Variants in MANBAL observed in about 807,000 individuals in gnomAD.
The protein encoded by MANBAL is mannosidase beta like.
MANBAL carries 1 observed loss-of-function variant against 6.4 expected under a neutral mutation model. That is an observed-to-expected ratio of 0.16 (90% CI 0.06 to 0.74). The LOEUF is 0.74. Ranked by LOEUF, MANBAL falls within the 30% of genes least tolerant of loss-of-function variation. The pLI is 0.78. For missense variants in MANBAL, 100 were observed against 107.8 expected (o/e 0.93, Z 0.32); for synonymous variants, 47 against 45.8 (o/e 1.03, Z -0.10).
intron 1 of MANBAL, chr20:37,297,663 A>T (rs1341797116): frequency 1.3e-5 from 2 of 151,162 alleles, no homozygotes; most frequent in African/African-American, 5.0e-5. Context: ...TTTTTTTGAG[A>T]TGGAGTTTCA....
At chr20:37,310,617 G>T (rs982634724) in intron 2 of MANBAL, among the ~76,000 whole-genome samples, 5 of 152,210 alleles carry the variant, frequency 3.3e-5, no homozygotes, top group African/African-American at 1.2e-4. Context: ...ATGCTGGAAG[G>T]GATATGATGT....
intron 2 of MANBAL, among the ~76,000 whole-genome samples, chr20:37,314,609 G>A (rs1019618247): frequency 1.6e-4 from 25 of 152,210 alleles, no homozygotes; most frequent in African/African-American, 6.0e-4. Context: ...AGATCATTTT[G>A]ATTTTTGGTG....
intron 2 of MANBAL, among the ~76,000 whole-genome samples, chr20:37,306,140 G>A (rs773654262): frequency 1.3e-5 from 2 of 152,160 alleles, no homozygotes; most frequent in Non-Finnish European, 2.9e-5. Flanking sequence ...AAGTGAGGGT[G>A]GGAGGACCCA....
chr20:37,301,536 C>G, intron 2 of MANBAL, 123 bp downstream of exon 2: 1 of 1,087,768 alleles, frequency 9.2e-7, no homozygotes, highest in South Asian at 2.1e-5. Flanking sequence ...ATTTAGTGTG[C>G]CTCTGAATTT....
rs1397656920 is a variant in MANBAL, at chr20:37,306,251, G to T, written c.150+4838G>T. Among the ~76,000 whole-genome samples, 3 of 152,230 alleles carry T rather than the reference G, an allele frequency of 2.0e-5. No individual in the cohort carries two copies. In the East Asian group the frequency reaches 5.8e-4, roughly 29 times the overall value. ...TTATTAGTGGCTTTTTGGGTCAGAA[G>T]ATAATATTTTTGGCTCCAGATGATG... On this transcript the variant is annotated intron_variant, in intron 2 of 2. Coordinates refer to ENST00000373606, the MANE Select transcript of MANBAL (RefSeq NM_001003897.2).
At chr20:37,316,141 G>A (rs1435119805) in intron 2 of MANBAL, among the ~76,000 whole-genome samples, 167 bp from the exon 3 acceptor site, 1 of 152,184 alleles carries the variant, frequency 6.6e-6, no homozygotes, top group African/African-American at 2.4e-5. Flanking sequence ...TGAGAGCCAC[G>A]ATGCTCCGGG....
intron 1 of MANBAL, among the ~76,000 whole-genome samples, chr20:37,294,624 G>A (rs1357352649): frequency 6.6e-6 from 1 of 152,246 alleles, no homozygotes; most frequent in Non-Finnish European, 1.5e-5. Context: ...TCTGGCAGAT[G>A]TTTAAATGAC....
rs184725543 is a variant in MANBAL, at chr20:37,296,429, G to A, written c.-56-4779G>A. On this transcript the variant is annotated intron_variant, in intron 1 of 2. Transcript: ENST00000373606. ...AGCCCATGAAATCAGCTTATAGATG[G>A]TTCCAATCATAGTGTTTATACAATT... 1.5e-4 allele frequency among the ~76,000 whole-genome samples: 23 copies of A among 152,210 alleles called. 1 individual carries two copies. In the East Asian group the frequency reaches 3.9e-3, roughly 26 times the overall value.
chr20:37,312,233 T>C (rs1333159316), intron 2 of MANBAL, among the ~76,000 whole-genome samples: 1 of 152,158 alleles, frequency 6.6e-6, no homozygotes, highest in East Asian at 1.9e-4. Flanking sequence ...AAACCCACTT[T>C]TCTGATTGCT....
At chr20:37,296,595 C>T (rs1440695246) in intron 1 of MANBAL, among the ~76,000 whole-genome samples, 3 of 152,150 alleles carry the variant, frequency 2.0e-5, no homozygotes, top group Non-Finnish European at 4.4e-5. Flanking sequence ...TTGTTGGACG[C>T]CTGGGTTGCT....
At chr20:37,313,475 C>T (rs1342111063) in intron 2 of MANBAL, among the ~76,000 whole-genome samples, 3 of 152,140 alleles carry the variant, frequency 2.0e-5, no homozygotes, top group African/African-American at 4.8e-5. Context: ...GAGGCTGAGG[C>T]GGGTGGATCA....
intron 2 of MANBAL, among the ~76,000 whole-genome samples, chr20:37,309,762 T>A (rs2069339762): frequency 6.6e-6 from 1 of 152,104 alleles, no homozygotes; most frequent in Non-Finnish European, 1.5e-5. Context: ...AGGGTCTTGA[T>A]TTTAAACGAG....
intron 2 of MANBAL, among the ~76,000 whole-genome samples, chr20:37,311,647 C>T (rs1470304088): frequency 6.6e-6 from 1 of 152,154 alleles, no homozygotes; most frequent in Non-Finnish European, 1.5e-5. Flanking sequence ...ACCACCACGC[C>T]TGGCTAATTT....
At chr20:37,315,750 C>T (rs1196100535) in intron 2 of MANBAL, among the ~76,000 whole-genome samples, 2 of 152,244 alleles carry the variant, frequency 1.3e-5, no homozygotes, top group Non-Finnish European at 2.9e-5. Context: ...TGGCCCTCTG[C>T]ACCCCTCCCA....
intron 2 of MANBAL, among the ~76,000 whole-genome samples, chr20:37,307,500 G>A (rs903975023): frequency 1.3e-5 from 2 of 152,154 alleles, no homozygotes; most frequent in African/African-American, 2.4e-5. Flanking sequence ...TATGATGCCT[G>A]TAAACCCAGC....
In MANBAL at chr20:37,297,646, C is replaced by CT. The variant is rs981790798; in HGVS notation, c.-56-3549dup. The CT allele has an allele frequency of 3.2e-3, 468 of 145,394 alleles. 1 individual carries two copies. The highest frequency in any genetic ancestry group is 0.011 in the Middle Eastern group (3 of 284). 9.0% of individuals were successfully genotyped at this position (145,394 alleles called of 1,614,324 possible). A position where few individuals can be genotyped will look rare whatever the true frequency, so the allele number is the denominator to read the frequency against. The stretch of plus-strand genomic sequence containing the variant: ...CAGCAGAGCCAAGGTGGCGGCAGGC[C>CT]TTTTTTTTTTTTTGAGATGGAGTTT... On this transcript the variant is annotated intron_variant, in intron 1 of 2. Coordinates refer to ENST00000373606, the MANE Select transcript of MANBAL (RefSeq NM_001003897.2).
chr20:37,312,244 G>C (rs994772309), intron 2 of MANBAL, among the ~76,000 whole-genome samples: 3 of 152,182 alleles, frequency 2.0e-5, no homozygotes, highest in African/African-American at 7.2e-5. Flanking sequence ...TCTGATTGCT[G>C]TAGGGACTTT....
chr20:37,294,756 C>T (rs1460888099), intron 1 of MANBAL, among the ~76,000 whole-genome samples: 3 of 152,132 alleles, frequency 2.0e-5, no homozygotes, highest in Admixed American at 1.3e-4. Context: ...TTGTAATACT[C>T]ACCCCTGACA....
At chr20:37,306,325 T>G (rs1487344512) in intron 2 of MANBAL, among the ~76,000 whole-genome samples, 2 of 152,196 alleles carry the variant, frequency 1.3e-5, no homozygotes, top group Non-Finnish European at 2.9e-5. Context: ...AGTAAGCCGA[T>G]TTTTTGCAAC....
Sources: allele counts gnomAD v4.1 joint callset (sites outside exome capture counted in the v4.1 genomes callset), GRCh38; gene constraint gnomAD v4.1.1; transcripts MANE v1.5; gene names NCBI Gene and HGNC (gene_info 2026-07-23, HGNC 2026-07-21).